TENM1: variants seen among roughly 807,000 people sequenced by gnomAD.
TENM1 encodes teneurin-1.
A neutral mutation model predicts 174.8 loss-of-function variants in TENM1; 35 were observed. The ratio of observed to expected loss-of-function variants is 0.20; its 90% CI spans 0.15 to 0.27. TENM1 has a LOEUF of 0.27. Ranked by LOEUF, TENM1 falls within the 10% of genes least tolerant of loss-of-function variation. The pLI is 1.00. For synonymous variants in TENM1, 781 were observed against 798.7 expected (o/e 0.98, Z 0.37); for missense variants, 1,633 against 2,130.1 (o/e 0.77, Z 4.59).
intron 3 of TENM1, among the ~76,000 whole-genome samples, chrX:124,824,662 T>C (rs1233709546): frequency 8.9e-6 from 1 of 112,285 alleles, no homozygotes; most frequent in Non-Finnish European, 1.9e-5. Flanking sequence ...TAAGATCATA[T>C]AGCTGGTAAA....
intron 21 of TENM1, among the ~76,000 whole-genome samples, chrX:124,482,236 A>T (rs2147938194): frequency 9.0e-6 from 1 of 110,737 alleles, no homozygotes; most frequent in African/African-American, 3.3e-5. Context: ...AGGAAATCTC[A>T]GGAGGTCATT....
chrX:125,165,702 G>A, the TENM1 span, among the ~76,000 whole-genome samples: 28 of 110,772 alleles, frequency 2.5e-4, no homozygotes, highest in Admixed American at 3.8e-4. Flanking sequence ...AACTCAGGTG[G>A]TGAAAATTAC....
intron 3 of TENM1, among the ~76,000 whole-genome samples, chrX:124,845,602 A>T (rs920577594): frequency 5.4e-5 from 6 of 111,705 alleles, no homozygotes; most frequent in African/African-American, 1.9e-4. Context: ...TTTCTCTAAC[A>T]CAAGTAACCT....
intron 11 of TENM1, among the ~76,000 whole-genome samples, chrX:124,619,832 G>C (rs2050478820): frequency 9.0e-6 from 1 of 111,632 alleles, no homozygotes; most frequent in African/African-American, 3.3e-5. Context: ...TTTCAGAATG[G>C]CTCATAGTAA....
chrX:125,019,417 C>T, the TENM1 span, among the ~76,000 whole-genome samples: 2 of 110,775 alleles, frequency 1.8e-5, no homozygotes, highest in African/African-American at 6.5e-5. Flanking sequence ...ATGTGTGAAA[C>T]TATATGAAAT....
intron 3 of TENM1, among the ~76,000 whole-genome samples, chrX:124,866,874 C>G (rs1206341420): frequency 9.1e-6 from 1 of 110,293 alleles, no homozygotes; most frequent in Non-Finnish European, 1.9e-5. Context: ...CAACTATATG[C>G]TAATAAATCA....
the TENM1 span, among the ~76,000 whole-genome samples, chrX:125,028,124 ACT>A: frequency 9.1e-6 from 1 of 110,334 alleles, no homozygotes; most frequent in East Asian, 2.9e-4. Flanking sequence ...ACTTTAAAAA[ACT>A]CTCTCTCACA....
At chrX:124,882,824 T>C (rs2057323381) in intron 3 of TENM1, among the ~76,000 whole-genome samples, 1 of 111,711 alleles carries the variant, frequency 9.0e-6, no homozygotes, top group South Asian at 3.7e-4. Flanking sequence ...GCACTGAATC[T>C]GTAAAACTGC....
chrX:125,101,106 T>G, the TENM1 span, among the ~76,000 whole-genome samples: 1 of 111,861 alleles, frequency 8.9e-6, no homozygotes, highest in Non-Finnish European at 1.9e-5. Flanking sequence ...TAAGTTAATG[T>G]ACGCCTGGCA....
chrX:124,824,059 T>C (rs1010420319), intron 3 of TENM1, among the ~76,000 whole-genome samples: 1 of 112,004 alleles, frequency 8.9e-6, no homozygotes, highest in African/African-American at 3.2e-5. Context: ...ACCTACATTA[T>C]AGGACTTCCT....
intron 3 of TENM1, among the ~76,000 whole-genome samples, chrX:124,845,177 T>C (rs2056582396): frequency 1.8e-5 from 2 of 112,329 alleles, no homozygotes; most frequent in Admixed American, 1.9e-4. Flanking sequence ...AAAAAAGTAA[T>C]GCTATGCCAA....
At chrX:124,589,670 C>G (rs1376751228) in intron 11 of TENM1, among the ~76,000 whole-genome samples, 1 of 110,995 alleles carries the variant, frequency 9.0e-6, no homozygotes, top group Non-Finnish European at 1.9e-5. Flanking sequence ...AGTAATGTAT[C>G]CATTTCCTCT....
At chrX:124,990,133 G>A in the TENM1 span, among the ~76,000 whole-genome samples, 1 of 111,282 alleles carries the variant, frequency 9.0e-6, no homozygotes, top group East Asian at 2.8e-4. Context: ...ATACCATGGT[G>A]AGTTAAACTG....
intron 1 of TENM1, among the ~76,000 whole-genome samples, chrX:124,946,182 T>G (rs755569785): frequency 7.7e-4 from 86 of 111,414 alleles, no homozygotes; most frequent in Non-Finnish European, 1.1e-3. Flanking sequence ...TTAGTGTATA[T>G]CTGCATGCAG....
chrX:124,429,015 G>C lies in TENM1; in HGVS notation c.4105-6377C>G, dbSNP rs766378150. Among the ~76,000 whole-genome samples the C allele has an allele frequency of 5.3e-5, 6 of 112,248 alleles. No individual in the cohort carries two copies. In the East Asian group the frequency reaches 1.1e-3, roughly 21 times the overall value. ...TGAGCCATTAATAGAAGTGACTACT[G>C]TTTACTGAATGCCTGCTGGGTGTCA... On this transcript the variant is annotated intron_variant, in intron 23 of 31. Coordinates refer to ENST00000422452, the Ensembl canonical transcript of TENM1.
chrX:125,095,648 GA>G, the TENM1 span, among the ~76,000 whole-genome samples: 1 of 111,879 alleles, frequency 8.9e-6, no homozygotes, highest in Non-Finnish European at 1.9e-5. Flanking sequence ...CCTTCAGACA[GA>G]AAATTACAAT....
intron 3 of TENM1, among the ~76,000 whole-genome samples, chrX:124,804,118 T>A (rs983316176): frequency 8.9e-6 from 1 of 112,180 alleles, no homozygotes; most frequent in African/African-American, 3.2e-5. Context: ...GACAATGATT[T>A]TCTCTCTTCT....
At chrX:124,501,330 G>T (rs976808158) in intron 19 of TENM1, among the ~76,000 whole-genome samples, 1 of 111,411 alleles carries the variant, frequency 9.0e-6, no homozygotes, top group Non-Finnish European at 1.9e-5. Context: ...TATATATCAG[G>T]CCTAATATTG....
At chrX:124,674,388 G>A in intron 5 of TENM1, among the ~76,000 whole-genome samples, 1 of 107,429 alleles carries the variant, frequency 9.3e-6, no homozygotes, top group Non-Finnish European at 1.9e-5. Context: ...GAACTGAAAG[G>A]GGCTAATTAG....
Sources: allele counts gnomAD v4.1 joint callset (sites outside exome capture counted in the v4.1 genomes callset), GRCh38; gene constraint gnomAD v4.1.1; transcripts MANE v1.5; gene names NCBI Gene and HGNC (gene_info 2026-07-23, HGNC 2026-07-21).